PCDH15: variants seen among roughly 807,000 people sequenced by gnomAD.
PCDH15 encodes the protein protocadherin-15.
A neutral mutation model predicts 178.5 loss-of-function variants in PCDH15; 129 were observed. That is an observed-to-expected ratio of 0.72 (90% CI 0.63 to 0.84). The LOEUF is 0.84. PCDH15 is among the 40% of genes least tolerant of loss of function. The pLI is 0.00. For missense variants in PCDH15, 2,230 were observed against 2,099.9 expected (o/e 1.06, Z -1.21); for synonymous variants, 800 against 732.0 (o/e 1.09, Z -1.50).
chr10:53,902,806 T>A (rs1429854011), intron 26 of PCDH15, among the ~76,000 whole-genome samples: 1 of 152,082 alleles, frequency 6.6e-6, no homozygotes, highest in African/African-American at 2.4e-5. Flanking sequence ...GTAGTGTTAT[T>A]TTTTTACTTT....
chr10:55,094,756 C>T (rs1020065962), intron 2 of PCDH15, among the ~76,000 whole-genome samples: 4 of 151,972 alleles, frequency 2.6e-5, no homozygotes. Context: ...TCAGTCTCTA[C>T]AACCAGCACT....
At chr10:54,910,636 C>T (rs1954800973) in intron 2 of PCDH15, among the ~76,000 whole-genome samples, 1 of 152,100 alleles carries the variant, frequency 6.6e-6, no homozygotes, top group Admixed American at 6.6e-5. Flanking sequence ...CTGACTACCC[C>T]TTCATTTTAC....
intron 17 of PCDH15, among the ~76,000 whole-genome samples, chr10:54,069,992 G>A (rs1023213562): frequency 2.6e-5 from 4 of 151,906 alleles, no homozygotes; most frequent in African/African-American, 4.8e-5. Flanking sequence ...TTCCATCAAC[G>A]GAGTTTGCTC....
chr10:53,849,461 G>A (rs1158724904), intron 28 of PCDH15, among the ~76,000 whole-genome samples: 5 of 152,094 alleles, frequency 3.3e-5, no homozygotes, highest in Non-Finnish European at 5.9e-5. Flanking sequence ...AAGCAAACAT[G>A]TCAGCATACA....
chr10:54,485,028 C>T (rs2078999062), intron 3 of PCDH15, among the ~76,000 whole-genome samples: 1 of 151,816 alleles, frequency 6.6e-6, no homozygotes, highest in African/African-American at 2.4e-5. Context: ...TGTGTGAAGA[C>T]ACTCATAATT....
intron 1 of PCDH15, among the ~76,000 whole-genome samples, chr10:55,298,789 G>A (rs1166891713): frequency 6.6e-6 from 1 of 151,996 alleles, no homozygotes; most frequent in Non-Finnish European, 1.5e-5. Context: ...CGTTTGCCAG[G>A]CTGGTCTCCA....
chr10:54,910,825 G>T (rs1391348726), intron 2 of PCDH15, among the ~76,000 whole-genome samples: 1 of 152,176 alleles, frequency 6.6e-6, no homozygotes, highest in African/African-American at 2.4e-5. Context: ...ACCAGTATCA[G>T]CAGAGATTGG....
rs182326528 is a variant in PCDH15 at position 55,206,804 on chromosome 10, A to G, written c.-155-40153T>C. On this transcript the variant is annotated intron_variant, in intron 1 of 5. Transcript: ENST00000458638. ...TAAATATCTGAGTACTTAAATATGG[A>G]ATCAAAGTTATTGCCTGAATAAATA... is the stretch of plus-strand genomic sequence containing the variant. Among the ~76,000 whole-genome samples, 360 of 152,230 alleles carry G rather than the reference A, an allele frequency of 2.4e-3. 4 individuals carry two copies. Among genetic ancestry groups the G allele is most frequent in the African/African-American group, 8.3e-3 (343 of 41,506 alleles).
At chr10:55,279,779 C>T (rs924350441) in intron 1 of PCDH15, among the ~76,000 whole-genome samples, 1 of 152,204 alleles carries the variant, frequency 6.6e-6, no homozygotes, top group African/African-American at 2.4e-5. Context: ...ACAATAAGGA[C>T]TGAGCCCATG....
chr10:55,071,526 C>G (rs1841746954), intron 2 of PCDH15, among the ~76,000 whole-genome samples: 1 of 152,116 alleles, frequency 6.6e-6, no homozygotes, highest in South Asian at 2.1e-4. Flanking sequence ...GTAAAGGAAT[C>G]AATTCAACAA....
intron 1 of PCDH15, among the ~76,000 whole-genome samples, chr10:54,774,051 C>CGGA (rs1299000222): frequency 1.3e-5 from 1 of 78,962 alleles, no homozygotes; most frequent in Non-Finnish European, 2.5e-5. Flanking sequence ...TTTTTTGAGA[C>CGGA]GGAGTCTCGC....
intron 32 of PCDH15, among the ~76,000 whole-genome samples, 187 bp from the exon 33 acceptor site, chr10:53,820,417 G>C (rs2076216665): frequency 6.6e-6 from 1 of 151,902 alleles, no homozygotes; most frequent in African/African-American, 2.4e-5. Flanking sequence ...AAATATGAGG[G>C]ATGAAGAAAA....
intron 5 of PCDH15, among the ~76,000 whole-genome samples, chr10:54,358,761 C>G (rs1945482008): frequency 6.6e-6 from 1 of 151,826 alleles, no homozygotes; most frequent in Non-Finnish European, 1.5e-5. Context: ...GGAACCAACC[C>G]AAATGTCCAA....
At chr10:54,428,530 A>T (rs1233927598) in intron 3 of PCDH15, among the ~76,000 whole-genome samples, 1 of 152,222 alleles carries the variant, frequency 6.6e-6, no homozygotes, top group Admixed American at 6.5e-5. Context: ...TTGCATCTGC[A>T]TTGTAGGTAA....
At chr10:54,418,474 C>G (rs1215613474) in intron 3 of PCDH15, among the ~76,000 whole-genome samples, 2 of 151,938 alleles carry the variant, frequency 1.3e-5, no homozygotes, top group African/African-American at 2.4e-5. Context: ...GTTCATCCAG[C>G]CTTCATTCAC....
intron 2 of PCDH15, among the ~76,000 whole-genome samples, chr10:55,077,675 G>A (rs906243387): frequency 1.7e-4 from 26 of 151,816 alleles, no homozygotes; most frequent in Admixed American, 6.6e-4. Context: ...TCAGCCTCCC[G>A]AGTAGCTGGT....
At chr10:54,224,186 A>G (rs1167289477) in intron 9 of PCDH15, among the ~76,000 whole-genome samples, 2 of 152,180 alleles carry the variant, frequency 1.3e-5, no homozygotes, top group Non-Finnish European at 2.9e-5. Context: ...TTGTAGATAT[A>G]TAGAAATTAT....
intron 32 of PCDH15, among the ~76,000 whole-genome samples, chr10:53,826,117 T>C (rs1436532164): frequency 2.6e-5 from 4 of 151,552 alleles, no homozygotes; most frequent in Non-Finnish European, 5.9e-5. Context: ...TCATATTGGC[T>C]CAATTCCTAC....
intron 3 of PCDH15, among the ~76,000 whole-genome samples, chr10:54,429,606 G>C (rs1014267378): frequency 6.6e-6 from 1 of 151,876 alleles, no homozygotes; most frequent in Admixed American, 6.6e-5. Context: ...CTCCTATAAA[G>C]ACACACATCG....
Sources: gnomAD v4.1 joint callset for allele counts (sites outside exome capture counted in the v4.1 genomes callset) on GRCh38, gnomAD v4.1.1 for gene constraint, MANE v1.5 for transcripts, NCBI Gene and HGNC (gene_info 2026-07-23, HGNC 2026-07-21) for gene names.